ATF7: variants seen among roughly 807,000 people sequenced by gnomAD.
ATF7 encodes activating transcription factor 7.
In ATF7, 10 loss-of-function variants were observed where a neutral mutation model predicts 50.4. The ratio of observed to expected loss-of-function variants is 0.20; its 90% CI spans 0.12 to 0.34. The LOEUF is 0.34. ATF7 is among the 10% of genes least tolerant of loss of function. ATF7 has a pLI of 1.00. For synonymous variants in ATF7, 201 were observed against 226.4 expected, an observed-to-expected ratio of 0.89 and a Z score of 1.01; for missense variants, 465 against 613.9, an observed-to-expected ratio of 0.76 and a Z score of 2.56.
intron 2 of ATF7, among the ~76,000 whole-genome samples, chr12:53,567,793 A>T (rs1941525514): frequency 6.6e-6 from 1 of 152,224 alleles, no homozygotes; most frequent in Non-Finnish European, 1.5e-5. Flanking sequence ...CCCCAAAGGG[A>T]TAACTGTAGT....
At chr12:53,589,105 G>T (rs957814241) in intron 2 of ATF7, among the ~76,000 whole-genome samples, 2 of 152,090 alleles carry the variant, frequency 1.3e-5, no homozygotes, top group African/African-American at 4.8e-5. Context: ...TTCTAGGCTA[G>T]ATGTGGATAC....
chr12:53,575,411 A>C (rs918076155), intron 2 of ATF7, among the ~76,000 whole-genome samples: 9 of 150,502 alleles, frequency 6.0e-5, no homozygotes, highest in Non-Finnish European at 1.3e-4. Flanking sequence ...CTGTCTTAAA[A>C]AAAAAAAAAA....
In ATF7 at chr12:53,601,005, C is replaced by T. The variant is rs1256712885; in HGVS notation, c.-5G>A. On this transcript the variant is annotated 5_prime_UTR_variant, in exon 2 of 12. An upstream start codon of the reference 5' UTR is lost. Coordinates refer to ENST00000420353, the MANE Select transcript of ATF7 (RefSeq NM_006856.3). ...AAACGGTCTGTCGTCTCCCATATTTCATATAGCAGAGAGGAGCTGAGGAGG... is the reference window on the plus strand; with the variant it reads ...AAACGGTCTGTCGTCTCCCATATTTTATATAGCAGAGAGGAGCTGAGGAGG... 5.0e-6 allele frequency: 8 copies of T among 1,609,654 alleles called. No individual in the cohort carries two copies. Among genetic ancestry groups the T allele is most frequent in the Non-Finnish European group, 6.8e-6 (8 of 1,177,908 alleles).
chr12:53,579,862 G>A (rs1020989933), intron 2 of ATF7, among the ~76,000 whole-genome samples: 2 of 152,174 alleles, frequency 1.3e-5, no homozygotes. Context: ...GCCCAACGGG[G>A]TTTTTTCTGT....
chr12:53,600,125 T>C (rs748037841), intron 2 of ATF7, among the ~76,000 whole-genome samples: 11 of 152,194 alleles, frequency 7.2e-5, no homozygotes, highest in African/African-American at 2.2e-4. Context: ...AAGTTCTCTA[T>C]TGGATTCGTC....
chr12:53,556,222 T>C (rs1320604947), intron 2 of ATF7, among the ~76,000 whole-genome samples: 1 of 152,234 alleles, frequency 6.6e-6, no homozygotes, highest in Non-Finnish European at 1.5e-5. Context: ...GGCCTTTTTA[T>C]CATATATTTT....
At chr12:53,610,678 G>A (rs1376813283) in intron 1 of ATF7, among the ~76,000 whole-genome samples, 3 of 151,866 alleles carry the variant, frequency 2.0e-5, no homozygotes, top group Non-Finnish European at 4.4e-5. Flanking sequence ...AGCGTAACAG[G>A]TACTGTTATA....
Position 53,523,284 on chromosome 12 carries a change from C to A in ATF7, c.1226G>T (p.Gly409Val). ...PVTALQKKTQ[G>V]YLESPKESSE... ...GGTTGTGTGCCACTCACCTAAATAG[C>A]CTTGAGTCTTTTTCTGTAGTGCAGT... The change falls in exon 11 of 12, where the codon GGC (glycine) becomes GTC (valine). Residue 409 changes from glycine (G) to valine (V), a missense_variant. By Grantham distance (109) the Gly-to-Val change is moderately radical. Coordinates refer to ENST00000420353, the MANE Select transcript of ATF7 (RefSeq NM_006856.3). 1 of 1,611,100 alleles carries A rather than the reference C, an allele frequency of 6.2e-7. No homozygotes were observed. The highest frequency in any genetic ancestry group is 2.2e-5 in the East Asian group (1 of 44,864).
At chr12:53,521,537 T>C (rs1421305004) in intron 11 of ATF7, among the ~76,000 whole-genome samples, 1 of 152,230 alleles carries the variant, frequency 6.6e-6, no homozygotes, top group Non-Finnish European at 1.5e-5. Flanking sequence ...TTTTCTTCCA[T>C]ATAAATGCAT....
rs148541655 is a variant in ATF7, at chr12:53,581,029, T to G, written c.48+19924A>C. Among the ~76,000 whole-genome samples the G allele has an allele frequency of 1.9e-3, 284 of 151,632 alleles. 2 individuals are homozygous for G. Among genetic ancestry groups the G allele is most frequent in the Non-Finnish European group, 3.3e-3 (223 of 67,848 alleles). The stretch of plus-strand genomic sequence containing the variant: ...CAGGAGGCTGAGGCAGGAGAACCAT[T>G]TGAACCTGGGAGGTAGAGCTTGCAG... On this transcript the variant is annotated intron_variant, in intron 2 of 11. Coordinates refer to ENST00000420353, the MANE Select transcript of ATF7 (RefSeq NM_006856.3).
intron 5 of ATF7, among the ~76,000 whole-genome samples, chr12:53,535,883 G>A (rs1592811077): frequency 6.6e-6 from 1 of 152,044 alleles, no homozygotes; most frequent in East Asian, 1.9e-4. Flanking sequence ...GCTGGGTGCG[G>A]TGCTCACGTC....
chr12:53,535,213 G>A (rs1396667706), intron 5 of ATF7, among the ~76,000 whole-genome samples: 1 of 151,872 alleles, frequency 6.6e-6, no homozygotes, highest in Non-Finnish European at 1.5e-5. Context: ...AGCATCCCCA[G>A]ACAGTCTGTA....
At chr12:53,594,630 G>C (rs1340729737) in intron 2 of ATF7, among the ~76,000 whole-genome samples, 1 of 152,202 alleles carries the variant, frequency 6.6e-6, no homozygotes, top group African/African-American at 2.4e-5. Context: ...GCTTACGCCT[G>C]TAATCTCAGC....
intron 2 of ATF7, among the ~76,000 whole-genome samples, chr12:53,584,880 C>A (rs543397796): frequency 6.6e-6 from 1 of 152,064 alleles, no homozygotes; most frequent in Non-Finnish European, 1.5e-5. Flanking sequence ...TGCTTGCCAG[C>A]GGTCAGTGGG....
intron 9 of ATF7, among the ~76,000 whole-genome samples, chr12:53,529,146 A>G (rs1938685882): frequency 6.6e-6 from 1 of 152,170 alleles, no homozygotes; most frequent in South Asian, 2.1e-4. Flanking sequence ...CTTCAGGTAC[A>G]GTAACTCATG....
intron 4 of ATF7, among the ~76,000 whole-genome samples, chr12:53,542,392 A>C: frequency 6.6e-6 from 1 of 150,540 alleles, no homozygotes; most frequent in Admixed American, 6.6e-5. Flanking sequence ...GTGCCACTGC[A>C]CTCCAGCCTG....
At chr12:53,535,107 T>C (rs1274174361) in intron 5 of ATF7, among the ~76,000 whole-genome samples, 1 of 152,158 alleles carries the variant, frequency 6.6e-6, no homozygotes, top group Non-Finnish European at 1.5e-5. Context: ...AAAAGGGCTA[T>C]GGAAGTTTGG....
At chr12:53,550,046 A>AG (rs1313101725) in intron 3 of ATF7, among the ~76,000 whole-genome samples, 1 of 151,820 alleles carries the variant, frequency 6.6e-6, no homozygotes. Context: ...AAAAGGGCCC[A>AG]GGGGGGCGGC....
intron 1 of ATF7, among the ~76,000 whole-genome samples, chr12:53,606,233 A>AGAAAG (rs1459756633): frequency 1.3e-5 from 2 of 152,060 alleles, no homozygotes; most frequent in Non-Finnish European, 2.9e-5. Flanking sequence ...CCAATAGAGT[A>AGAAAG]TGCAGCAGAA....
Sources: allele counts gnomAD v4.1 joint callset (sites outside exome capture counted in the v4.1 genomes callset), GRCh38; gene constraint gnomAD v4.1.1; transcripts MANE v1.5; gene names NCBI Gene and HGNC (gene_info 2026-07-23, HGNC 2026-07-21).